The following PTPRN2 variants were observed in gnomAD, a reference collection of about 807,000 sequenced individuals.
PTPRN2 encodes protein tyrosine phosphatase receptor type N2.
PTPRN2 carries 74 observed loss-of-function variants against 118.8 expected under a neutral mutation model. The observed-to-expected ratio is 0.62, with a 90% CI of 0.52 to 0.76. The LOEUF is 0.76. Ranked by LOEUF, PTPRN2 falls within the 30% of genes least tolerant of loss-of-function variation. The pLI is 0.00. For synonymous variants in PTPRN2, 641 were observed against 608.0 expected (o/e 1.05, Z -0.80); for missense variants, 1,481 against 1,394.4 (o/e 1.06, Z -0.99).
Position 158,126,000 on chromosome 7 carries a change from A to G in PTPRN2, c.1556+7677T>C, listed in dbSNP as rs13307182. Among the ~76,000 whole-genome samples the G allele has an allele frequency of 3.9e-3, 571 of 145,468 alleles. 1 individual carries two copies. The highest frequency in any genetic ancestry group is 0.012 in the African/African-American group (441 of 37,552). ...CCACTAGGATTGGAACTTCCTCTCCACCACACCAGCCCCGGAGAGCGGGCG... is the reference window on the plus strand; with the variant it reads ...CCACTAGGATTGGAACTTCCTCTCCGCCACACCAGCCCCGGAGAGCGGGCG... On this transcript the variant is annotated intron_variant, in intron 9 of 22. Transcript: ENST00000389418.
At chr7:158,481,248 A>G (rs1820620718) in intron 2 of PTPRN2, among the ~76,000 whole-genome samples, 1 of 152,254 alleles carries the variant, frequency 6.6e-6, no homozygotes, top group Non-Finnish European at 1.5e-5. Context: ...ATGACAGCAC[A>G]TCTGTTTACA....
chr7:158,144,070 C>A (rs1819649192), intron 6 of PTPRN2, among the ~76,000 whole-genome samples: 1 of 152,196 alleles, frequency 6.6e-6, no homozygotes, highest in African/African-American at 2.4e-5. Flanking sequence ...AACCGTTCTT[C>A]TGCAAGGCCC....
chr7:158,118,532 G>C (rs1046053309), intron 9 of PTPRN2, among the ~76,000 whole-genome samples: 6 of 152,112 alleles, frequency 3.9e-5, no homozygotes, highest in African/African-American at 1.4e-4. Flanking sequence ...TAAAATGACA[G>C]AAGTCCCTCC....
Position 157,674,308 on chromosome 7 carries a change from TG to T in PTPRN2, c.2001+8416del, listed in dbSNP as rs989322615. 6.6e-6 allele frequency among the ~76,000 whole-genome samples: 1 copy of T among 151,754 alleles called. No homozygotes were observed. On this transcript the variant is annotated intron_variant, in intron 13 of 22. Coordinates refer to ENST00000389418, the MANE Select transcript of PTPRN2 (RefSeq NM_002847.5). This position sits in a 1 kb window ranked among gnomAD's most constrained non-coding sequence, Gnocchi z 4.5. ...TGGAGGCCTCCCCAGGAGGCGAGGG[TG>T]GGGGGACTCCTGCTGGAGGCGGCCG... is the stretch of plus-strand genomic sequence containing the variant.
At chr7:158,045,296 T>G (rs961899562) in intron 11 of PTPRN2, among the ~76,000 whole-genome samples, 1 of 152,190 alleles carries the variant, frequency 6.6e-6, no homozygotes. Context: ...AAGCTCCAAA[T>G]GGCTGGAGAA....
chr7:157,819,694 G>A (rs1249297164), intron 12 of PTPRN2, among the ~76,000 whole-genome samples: 1 of 152,140 alleles, frequency 6.6e-6, no homozygotes, highest in Non-Finnish European at 1.5e-5. Context: ...CTGGATGGGA[G>A]GGGGCTCCCT....
rs755917352 is a variant in PTPRN2 at position 158,138,304 on chromosome 7, G to A, written c.1122C>T (p.Asp374=). 6.2e-7 allele frequency: 1 copy of A among 1,612,958 alleles called. No individual in the cohort carries two copies. Among genetic ancestry groups the A allele is most frequent in the East Asian group, 2.2e-5 (1 of 44,864 alleles). Reference sequence around the variant, plus strand: ...TGGCGCTGCAGTCACCTGGAAAGCTGTCTCCACGGAGGGTGGCCTTGGGGC... The same window carrying A: ...TGGCGCTGCAGTCACCTGGAAAGCTATCTCCACGGAGGGTGGCCTTGGGGC... ...ADGPKATLRG[D]SFPDDGVQDD... The change falls in exon 7 of 23, where the codon GAC becomes GAT. Residue 374 remains aspartate, a synonymous_variant. Coordinates refer to ENST00000389418, the MANE Select transcript of PTPRN2 (RefSeq NM_002847.5).
rs537901836 is a variant in PTPRN2 at position 158,550,751 on chromosome 7, C to T, written c.112+36807G>A. On this transcript the variant is annotated intron_variant, in intron 1 of 22. Coordinates refer to ENST00000389418, the MANE Select transcript of PTPRN2 (RefSeq NM_002847.5). ...TTCTCTCATAGGCGTCGTTAATGGG[C>T]TGGGACCTGACTTCCTACTAAGTGT... Among the ~76,000 whole-genome samples, 6 of 152,372 alleles carry T rather than the reference C, an allele frequency of 3.9e-5. No individual in the cohort carries two copies. In the East Asian group the frequency reaches 9.6e-4, roughly 24 times the overall value.
chr7:158,098,364 G>C lies in PTPRN2; in HGVS notation c.1643+12465C>G, dbSNP rs539855893. 9.8e-4 allele frequency among the ~76,000 whole-genome samples: 150 copies of C among 152,380 alleles called. 1 individual carries two copies. The highest frequency in any genetic ancestry group is 1.8e-3 in the Non-Finnish European group (122 of 68,032). ...GATTCCCGAAGGCTCCGAGGGACGG[G>C]CGGCGGGACTCAGGTTTGACTCTGT... On this transcript the variant is annotated intron_variant, in intron 10 of 22. Coordinates refer to ENST00000389418, the MANE Select transcript of PTPRN2 (RefSeq NM_002847.5).
At chr7:158,552,259 G>T (rs1296425453) in intron 1 of PTPRN2, among the ~76,000 whole-genome samples, 1 of 150,832 alleles carries the variant, frequency 6.6e-6, no homozygotes, top group East Asian at 2.0e-4. Flanking sequence ...ATTGCATCAA[G>T]GTGGGTCTCT....
At chr7:158,359,728 G>C (rs1304514321) in intron 2 of PTPRN2, among the ~76,000 whole-genome samples, 1 of 152,208 alleles carries the variant, frequency 6.6e-6, no homozygotes, top group Non-Finnish European at 1.5e-5. Context: ...ACGTGGTGTT[G>C]TCGATGAACG....
intron 5 of PTPRN2, among the ~76,000 whole-genome samples, chr7:158,184,513 G>T (rs183604132): frequency 6.6e-6 from 1 of 152,114 alleles, no homozygotes; most frequent in Non-Finnish European, 1.5e-5. Flanking sequence ...TTTGACAAAG[G>T]TTATGTAATC....
chr7:158,323,942 C>T (rs773318804), intron 2 of PTPRN2, among the ~76,000 whole-genome samples: 8 of 151,006 alleles, frequency 5.3e-5, no homozygotes, highest in Non-Finnish European at 1.0e-4. Context: ...CACTCACACG[C>T]ACCCACGTGA....
At chr7:157,672,618 T>C (rs148225370) in intron 13 of PTPRN2, among the ~76,000 whole-genome samples, 12 of 152,318 alleles carry the variant, frequency 7.9e-5, no homozygotes, top group Admixed American at 5.2e-4. Context: ...CCAAAAAAGC[T>C]GAAAGCGACG....
At chr7:158,214,290 A>T (rs1827813234) in intron 3 of PTPRN2, among the ~76,000 whole-genome samples, 1 of 151,934 alleles carries the variant, frequency 6.6e-6, no homozygotes, top group Non-Finnish European at 1.5e-5. Flanking sequence ...TGGCAATACG[A>T]AGGCAGAGCA....
intron 11 of PTPRN2, among the ~76,000 whole-genome samples, chr7:157,935,365 G>C (rs1465753964): frequency 1.3e-5 from 2 of 152,028 alleles, no homozygotes; most frequent in African/African-American, 4.8e-5. Context: ...GATCATTTCT[G>C]TGCATCTGTT....
chr7:157,794,904 C>G lies in PTPRN2; in HGVS notation c.1788+103769G>C, dbSNP rs1476095669. Among the ~76,000 whole-genome samples, 1 of 152,256 alleles carries G rather than the reference C, an allele frequency of 6.6e-6. No homozygotes were observed. Among genetic ancestry groups the G allele is most frequent in the Non-Finnish European group, 1.5e-5 (1 of 68,036 alleles). On this transcript the variant is annotated intron_variant, in intron 12 of 22. Coordinates refer to ENST00000389418, the MANE Select transcript of PTPRN2 (RefSeq NM_002847.5). The surrounding 1 kb of genome is among the most constrained non-coding windows in gnomAD (Gnocchi z 5.2). Reference sequence around the variant, plus strand: ...TGCTAAAGCACATCACCTCGGTCCTCAGAGAGGAGGGATTTCCATGTGAAA... The same window carrying G: ...TGCTAAAGCACATCACCTCGGTCCTGAGAGAGGAGGGATTTCCATGTGAAA...
intron 12 of PTPRN2, among the ~76,000 whole-genome samples, chr7:157,694,593 A>G (rs1422428494): frequency 6.6e-6 from 1 of 152,132 alleles, no homozygotes; most frequent in African/African-American, 2.4e-5. Flanking sequence ...CTGGTAAGTT[A>G]CTCGCCAGAT....
chr7:158,270,832 A>ACCACCCCCTCACC (rs1491217373), intron 3 of PTPRN2, among the ~76,000 whole-genome samples: 1 of 5,186 alleles, frequency 1.9e-4, no homozygotes, highest in Non-Finnish European at 3.6e-4. Flanking sequence ...CTCCACCTGG[A>ACCACCCCCTCACC]TGACCCCCTC....
Sources: allele counts gnomAD v4.1 joint callset (sites outside exome capture counted in the v4.1 genomes callset), GRCh38; gene constraint gnomAD v4.1.1; non-coding constraint Gnocchi (gnomAD v3.1); transcripts MANE v1.5; gene names NCBI Gene and HGNC (gene_info 2026-07-23, HGNC 2026-07-21).